Variants in IPO4 observed in about 807,000 individuals in gnomAD.
IPO4 encodes importin-4.
In IPO4, 91 loss-of-function variants were observed where a neutral mutation model predicts 133.5. The observed-to-expected ratio is 0.68, with a 90% confidence interval of 0.58 to 0.81. The LOEUF is 0.81. IPO4 is among the 30% of genes least tolerant of loss of function. IPO4 has a pLI of 0.00. For synonymous variants in IPO4, 607 were observed against 581.6 expected, an observed-to-expected ratio of 1.04 and a Z score of -0.63; for missense variants, 1,279 against 1,386.2, an observed-to-expected ratio of 0.92 and a Z score of 1.23.
rs749778327 is a variant in IPO4, at chr14:24,185,301, G to T, written c.1290C>A (p.Ser430Arg). 45 of 1,613,996 alleles carry T rather than the reference G, an allele frequency of 2.8e-5. No individual in the cohort carries two copies. The highest frequency in any genetic ancestry group is 3.6e-5 in the Non-Finnish European group (43 of 1,180,000). The part of the protein sequence containing the change: ...QFSENLQPHI[S>R]SYSREVMPLL... The stretch of plus-strand genomic sequence containing the variant: ...GTGGCATTACCTCCCTTGAATAGCT[G>T]CTGATATGGGGCTGGGGGAGGGAGC... The change falls in exon 14 of 30, where the codon AGC becomes AGA. Residue 430 changes from serine to arginine, a missense_variant. This residue lies in a region of IPO4 where 695 missense variants were observed against 704.1 expected (regional missense o/e 0.99). Coordinates refer to ENST00000354464, the MANE Select transcript of IPO4 (RefSeq NM_024658.4).
chr14:24,181,618 C>T lies in IPO4; in HGVS notation c.2941-1G>A. ...GGGCATGCAGTAGGGCAGCCAGCACCTGGGCACACAAATGTCTCAGGCCAA... is the reference window on the plus strand; with the variant it reads ...GGGCATGCAGTAGGGCAGCCAGCACTTGGGCACACAAATGTCTCAGGCCAA... On this transcript the variant is annotated splice_acceptor_variant, in intron 27 of 29. Transcript: ENST00000354464. LOFTEE classifies it high-confidence loss of function. 1 of 1,614,118 alleles carries T rather than the reference C, an allele frequency of 6.2e-7. No homozygotes were observed. The highest frequency in any genetic ancestry group is 1.1e-5 in the South Asian group (1 of 91,080).
At chr14:24,185,626 G>A (rs2039209169) in intron 12 of IPO4, 59 bp from the exon 13 acceptor site, 38 of 1,456,744 alleles carry the variant, frequency 2.6e-5, no homozygotes, top group Non-Finnish European at 3.6e-5. Context: ...GCCCTAGGCT[G>A]ACCTGTTCTC....
Position 24,185,674 on chromosome 14 carries a change from C to T in IPO4, c.1170-107G>A. 7 of 1,123,110 alleles carry T rather than the reference C, an allele frequency of 6.2e-6. No individual in the cohort carries two copies. The South Asian group carries it at 6.6e-5, about 11-fold the overall frequency. The allele number at this position is 1,123,110 out of a possible 1,614,324, so 69.6% of individuals were successfully genotyped here. On this transcript the variant is annotated intron_variant, in intron 12 of 29. Transcript: ENST00000354464. ...GGAAAAACCAAGGCTTTTCCTGTCA[C>T]CAGAGGGTGGGCAGCAGCCCCTGGT...
chr14:24,185,681 G>A, intron 12 of IPO4, 114 bp from the exon 13 acceptor site: 2 of 1,048,678 alleles, frequency 1.9e-6, no homozygotes, highest in Non-Finnish European at 2.9e-6. Context: ...TCACCAGAGG[G>A]TGGGCAGCAG....
At position 24,184,886 on chromosome 14, in the gene IPO4, C is replaced by T; in HGVS notation, c.1503G>A (p.Val501=). Residue 501 remains valine (V), a synonymous_variant, in exon 15 of 30, where the codon GTG becomes GTA. Coordinates refer to ENST00000354464, the MANE Select transcript of IPO4 (RefSeq NM_024658.4). The part of the protein sequence containing the change: ...PSSPRAKELA[V]SALGAIATAA... ...CCTCACCAATGGCTCCCAGGGCGCT[C>T]ACAGCCAGCTCCTTGGCCCGGGGAC... is the stretch of plus-strand genomic sequence containing the variant. 1.2e-6 allele frequency: 2 copies of T among 1,614,082 alleles called. No homozygotes were observed. The highest frequency in any genetic ancestry group is 1.1e-5 in the South Asian group (1 of 91,084).
rs1456597102 is a variant in IPO4 at position 24,186,433 on chromosome 14, G to A, written c.859C>T (p.Leu287Phe). ...VKSKALLKNR[L>F]LPPLLHTLFP... ...AGGGTGTGCAGCAAGGGTGGCAGGAGACGATTCTTCAGTAAGGCCTTGACA... is the reference window on the plus strand; with the variant it reads ...AGGGTGTGCAGCAAGGGTGGCAGGAAACGATTCTTCAGTAAGGCCTTGACA... The change falls in exon 10 of 30, where the codon CTC (leucine) becomes TTC (phenylalanine). Residue 287 changes from leucine to phenylalanine, a missense_variant. Coordinates refer to ENST00000354464, the MANE Select transcript of IPO4 (RefSeq NM_024658.4). The A allele has an allele frequency of 6.3e-7, 1 of 1,594,634 alleles. No individual in the cohort carries two copies. The highest frequency in any genetic ancestry group is 8.6e-7 in the Non-Finnish European group (1 of 1,168,630).
chr14:24,186,798 A>G lies in IPO4; in HGVS notation c.757-7T>C. 2 of 1,613,972 alleles carry G rather than the reference A, an allele frequency of 1.2e-6. No individual in the cohort carries two copies. The highest frequency in any genetic ancestry group is 1.7e-6 in the Non-Finnish European group (2 of 1,179,820). The stretch of plus-strand genomic sequence containing the variant: ...GGGCCACATTTCTAGCTACCTGTCC[A>G]CAGAATAATAAAAATCAGCGACAGG... On this transcript the variant is annotated splice_polypyrimidine_tract_variant and splice_region_variant and intron_variant, in intron 8 of 29. Coordinates refer to ENST00000354464, the MANE Select transcript of IPO4 (RefSeq NM_024658.4).
intron 14 of IPO4, 87 bp downstream of exon 14, chr14:24,185,096 A>G: frequency 6.3e-7 from 1 of 1,592,548 alleles, no homozygotes; most frequent in Non-Finnish European, 8.6e-7. Flanking sequence ...TACCACAGGC[A>G]GCAATGCAGG....
chr14:24,188,643 G>T lies in IPO4; in HGVS notation c.70-5C>A. ...GATCTGGAGCTGTTCCGTGGCCTGG[G>T]GGGAAGCTAGGGGTGAGAGTTGGGC... On this transcript the variant is annotated splice_region_variant and splice_polypyrimidine_tract_variant and intron_variant, in intron 1 of 29. Coordinates refer to ENST00000354464, the MANE Select transcript of IPO4 (RefSeq NM_024658.4). The T allele has an allele frequency of 6.2e-7, 1 of 1,608,856 alleles. No homozygotes were observed.
chr14:24,182,047 C>G lies in IPO4; in HGVS notation c.2715G>C (p.Leu905Phe). The G allele has an allele frequency of 1.9e-6, 3 of 1,613,668 alleles. No individual in the cohort carries two copies. The highest frequency in any genetic ancestry group is 2.5e-6 in the Non-Finnish European group (3 of 1,180,034). The change falls in exon 26 of 30, where the codon TTG (leucine) becomes TTC (phenylalanine). Residue 905 changes from leucine to phenylalanine, a missense_variant. This residue lies in a region of IPO4 where 575 missense variants were observed against 653.4 expected (regional missense o/e 0.88). Transcript: ENST00000354464. ...QFVSRLLPVL[L>F]STAQEADPEV... ...CGGGGTCTGCCTCTTGGGCGGTGCTCAACAGCACAGGGAGCAGCCGAGACA... is the reference window on the plus strand; with the variant it reads ...CGGGGTCTGCCTCTTGGGCGGTGCTGAACAGCACAGGGAGCAGCCGAGACA...
chr14:24,180,336 G>A lies in IPO4; in HGVS notation c.*106C>T. 2 of 1,507,444 alleles carry A rather than the reference G, an allele frequency of 1.3e-6. No homozygotes were observed. The highest frequency in any genetic ancestry group is 1.8e-6 in the Non-Finnish European group (2 of 1,120,914). The allele number at this position is 1,507,444 out of a possible 1,614,324, so 93.4% of individuals were successfully genotyped here. A position where few individuals can be genotyped will look rare whatever the true frequency, so the allele number is the denominator to read the frequency against. ...CAGCAAGTGGGGCTGGCTCCAAATG[G>A]GTATGAGTCTCAGAATCTTTGGTAA... On this transcript the variant is annotated 3_prime_UTR_variant, in exon 30 of 30. Transcript: ENST00000354464.
intron 24 of IPO4, 32 bp downstream of exon 24, chr14:24,182,760 G>T: frequency 1.2e-6 from 2 of 1,611,854 alleles, no homozygotes; most frequent in East Asian, 4.5e-5. Flanking sequence ...TGCCTGGACC[G>T]CCTGGTCCCC....
At chr14:24,181,655 C>T in intron 27 of IPO4, 38 bp from the exon 28 acceptor site, 1 of 1,613,480 alleles carries the variant, frequency 6.2e-7, no homozygotes, top group African/African-American at 1.3e-5. Flanking sequence ...CTGCCCTGCC[C>T]TCCACCACCC....
At chr14:24,187,059 C>G (rs746867604) in intron 7 of IPO4, 26 bp downstream of exon 7, 10 of 1,613,256 alleles carry the variant, frequency 6.2e-6, no homozygotes, top group Non-Finnish European at 7.6e-6. Context: ...CTCCTTCCAA[C>G]AGAGCTCCTG....
chr14:24,184,722 T>C lies in IPO4; in HGVS notation c.1564A>G (p.Ile522Val). Residue 522 changes from isoleucine (I) to valine (V), a missense_variant, in exon 16 of 30, where the codon ATC (isoleucine) becomes GTC (valine). Ile to Val is a conservative substitution (Grantham distance 29, BLOSUM62 3). Coordinates refer to ENST00000354464, the MANE Select transcript of IPO4 (RefSeq NM_024658.4). ...AGGAATTCCCGCAGGTGCTCCATGA[T>C]GGCAGGGAAGTAGGGCAGCAGCGAG... is the stretch of plus-strand genomic sequence containing the variant. ...QASLLPYFPA[I>V]MEHLREFLLT... 2.5e-6 allele frequency: 4 copies of C among 1,613,344 alleles called. No individual in the cohort carries two copies. Among genetic ancestry groups the C allele is most frequent in the Non-Finnish European group, 3.4e-6 (4 of 1,179,668 alleles).
At position 24,181,717 on chromosome 14, in the gene IPO4, C is replaced by T. The variant is rs547693598; in HGVS notation, c.2934G>A (p.Glu978=). 63 of 1,602,694 alleles carry T rather than the reference C, an allele frequency of 3.9e-5. No individual in the cohort carries two copies. Among genetic ancestry groups the T allele is most frequent in the Non-Finnish European group, 5.0e-5 (59 of 1,172,958 alleles). Residue 978 remains glutamate, a synonymous_variant, in exon 27 of 30, where the codon GAG becomes GAA. Transcript: ENST00000354464. ...TGATGTCTCCCTCCCTCACCTGGGG[C>T]TCTGGTTTCCTGGTGGGACTGGCCA... is the stretch of plus-strand genomic sequence containing the variant. ...LLMASPTRKP[E]PQVLAALLHA... is the part of the protein sequence containing the mutation.
Sources: allele counts gnomAD v4.1 joint callset, GRCh38; gene constraint gnomAD v4.1.1; regional missense constraint gnomAD v4.1.1; transcripts MANE v1.5; gene names NCBI Gene and HGNC (gene_info 2026-07-23, HGNC 2026-07-21).